The following DMXL1 variants were observed in gnomAD, a reference collection of about 807,000 sequenced individuals.
DMXL1 encodes dmX-like protein 1.
In DMXL1, 99 loss-of-function variants were observed where a neutral mutation model predicts 319.2. The ratio of observed to expected loss-of-function variants is 0.31; its 90% CI spans 0.26 to 0.37. DMXL1 has a LOEUF of 0.37. DMXL1 is among the 10% of genes least tolerant of loss of function. DMXL1 has a pLI of 1.00. For missense variants in DMXL1, 3,745 were observed against 3,595.6 expected, an observed-to-expected ratio of 1.04 and a Z score of -1.06; for synonymous variants, 1,385 against 1,235.2, an observed-to-expected ratio of 1.12 and a Z score of -2.54.
Position 119,133,942 on chromosome 5 carries a change from T to C in DMXL1, c.2018T>C (p.Phe673Ser). Residue 673 changes from phenylalanine to serine, a missense_variant, in exon 12 of 44, where the codon TTT becomes TCT. By Grantham distance (155) the Phe-to-Ser change is radical (BLOSUM62 -2). This residue lies in a region of DMXL1 where 2,096 missense variants were observed against 1,985.4 expected (regional missense o/e 1.06). Coordinates refer to ENST00000539542, the MANE Select transcript of DMXL1 (RefSeq NM_001290321.3). ...GATGTTGATAACCCAGAGCAACCTT[T>C]TGATGCTCTAAATATTGAAGAATGC... The part of the protein sequence containing the change: ...TPDVDNPEQP[F>S]DALNIEECSL... The C allele has an allele frequency of 6.2e-7, 1 of 1,614,164 alleles. No individual in the cohort carries two copies. The highest frequency in any genetic ancestry group is 8.5e-7 in the Non-Finnish European group (1 of 1,179,996).
At chr5:119,084,459 G>C (rs1353731608) in intron 1 of DMXL1, among the ~76,000 whole-genome samples, 1 of 152,064 alleles carries the variant, frequency 6.6e-6, no homozygotes, top group Non-Finnish European at 1.5e-5. Flanking sequence ...AATTGTTTTG[G>C]CTATTTGGGG....
intron 1 of DMXL1, among the ~76,000 whole-genome samples, chr5:119,078,005 G>A (rs1479334562): frequency 1.3e-5 from 2 of 151,804 alleles, no homozygotes; most frequent in Non-Finnish European, 2.9e-5. Flanking sequence ...AAAGTGCTGG[G>A]ATTACAGGTG....
intron 26 of DMXL1, among the ~76,000 whole-genome samples, chr5:119,176,242 G>A (rs1010657160): frequency 6.6e-6 from 1 of 152,004 alleles, no homozygotes; most frequent in Non-Finnish European, 1.5e-5. Flanking sequence ...TGAGTATGGA[G>A]TACTTTACTG....
chr5:119,225,628 C>A (rs1441964418), intron 38 of DMXL1, among the ~76,000 whole-genome samples: 1 of 152,018 alleles, frequency 6.6e-6, no homozygotes, highest in Non-Finnish European at 1.5e-5. Flanking sequence ...AATCAGTATT[C>A]TTTTCTGCTT....
chr5:119,207,868 A>C (rs1782035368), intron 34 of DMXL1, among the ~76,000 whole-genome samples: 1 of 152,146 alleles, frequency 6.6e-6, no homozygotes, highest in Admixed American at 6.5e-5. Flanking sequence ...CATGTTTTTC[A>C]TATTCTATAT....
intron 37 of DMXL1, among the ~76,000 whole-genome samples, chr5:119,223,729 T>C (rs1785045779): frequency 6.6e-6 from 1 of 152,156 alleles, no homozygotes; most frequent in Admixed American, 6.5e-5. Flanking sequence ...TCAGAAACTT[T>C]TTTAAACCTG....
chr5:119,102,142 G>A (rs892436108), intron 3 of DMXL1, 136 bp downstream of exon 3: 1 of 473,318 alleles, frequency 2.1e-6, no homozygotes, highest in African/African-American at 2.0e-5. Context: ...ATTCCATTTT[G>A]ATGTTAAAAA....
intron 17 of DMXL1, among the ~76,000 whole-genome samples, chr5:119,148,110 A>T (rs1205333778): frequency 2.0e-5 from 3 of 152,218 alleles, no homozygotes; most frequent in African/African-American, 7.2e-5. Context: ...CTAATAGTGC[A>T]TGATTACTTT....
chr5:119,163,625 G>T (rs562552568), intron 19 of DMXL1, among the ~76,000 whole-genome samples: 1 of 152,266 alleles, frequency 6.6e-6, no homozygotes, highest in South Asian at 2.1e-4. Flanking sequence ...GTCTCACTCT[G>T]TTGCCCAGGC....
At chr5:119,175,186 A>G (rs1044640343) in intron 25 of DMXL1, 75 bp from the exon 26 acceptor site, 115 of 1,110,342 alleles carry the variant, frequency 1.0e-4, no homozygotes, top group African/African-American at 1.3e-4. Flanking sequence ...AAAAATGCTG[A>G]TTATATTAGG....
At chr5:119,157,650 C>T (rs1359579036) in intron 19 of DMXL1, among the ~76,000 whole-genome samples, 8 of 152,022 alleles carry the variant, frequency 5.3e-5, no homozygotes, top group East Asian at 1.9e-4. Flanking sequence ...GGTTGATTTC[C>T]GTGCCTTCTA....
At chr5:119,123,374 GGAGA>G (rs1762704555) in intron 9 of DMXL1, among the ~76,000 whole-genome samples, 2 of 99,854 alleles carry the variant, frequency 2.0e-5, no homozygotes, top group African/African-American at 3.8e-5. Context: ...GGAGGGAGAG[GGAGA>G]GGGAGAGGAG....
rs553059625 is a variant in DMXL1, at chr5:119,215,131, C to A, written c.7927-1770C>A. On this transcript the variant is annotated intron_variant, in intron 34 of 43. Coordinates refer to ENST00000539542, the MANE Select transcript of DMXL1 (RefSeq NM_001290321.3). Reference sequence around the variant, plus strand: ...GAAGACAAGTTGATCCTCAAGTCAGCCAGAATGTTCAGCGAATACTGAAAT... The same window carrying A: ...GAAGACAAGTTGATCCTCAAGTCAGACAGAATGTTCAGCGAATACTGAAAT... Among the ~76,000 whole-genome samples, 73 of 152,232 alleles carry A rather than the reference C, an allele frequency of 4.8e-4. 2 individuals carry two copies. In the South Asian group the frequency reaches 0.013, roughly 26 times the overall value.
chr5:119,208,689 T>TA (rs985666756), intron 34 of DMXL1, among the ~76,000 whole-genome samples: 92 of 150,562 alleles, frequency 6.1e-4, no homozygotes, highest in Admixed American at 9.3e-4. Context: ...CTATATAGTT[T>TA]AAAAAAAAAA....
intron 9 of DMXL1, among the ~76,000 whole-genome samples, chr5:119,123,415 GGAGGGA>G (rs1478916830): frequency 3.2e-5 from 4 of 124,666 alleles, no homozygotes; most frequent in African/African-American, 6.1e-5. Flanking sequence ...GAGAGGGAGA[GGAGGGA>G]GAGGGAGAGG....
intron 35 of DMXL1, among the ~76,000 whole-genome samples, chr5:119,217,632 C>T (rs144608068): frequency 4.6e-5 from 7 of 152,068 alleles, no homozygotes; most frequent in African/African-American, 1.7e-4. Context: ...TGTGTATCTT[C>T]TTTTTATGTA....
At chr5:119,106,622 A>G (rs1156660863) in intron 4 of DMXL1, among the ~76,000 whole-genome samples, 1 of 152,214 alleles carries the variant, frequency 6.6e-6, no homozygotes, top group Non-Finnish European at 1.5e-5. Context: ...TAGGTTTTCA[A>G]AAGAGGCTAG....
At chr5:119,178,412 T>C (rs1376725613) in intron 28 of DMXL1, among the ~76,000 whole-genome samples, 168 bp downstream of exon 28, 1 of 152,204 alleles carries the variant, frequency 6.6e-6, no homozygotes, top group Admixed American at 6.6e-5. Flanking sequence ...AAGTTTCTGG[T>C]GCAGTTTTTA....
intron 29 of DMXL1, among the ~76,000 whole-genome samples, chr5:119,193,413 C>T (rs1000569345): frequency 6.6e-5 from 10 of 152,152 alleles, no homozygotes; most frequent in African/African-American, 1.9e-4. Context: ...ATTTAGTTCT[C>T]GTACTTTTCA....
Sources: allele counts gnomAD v4.1 joint callset (sites outside exome capture counted in the v4.1 genomes callset), GRCh38; gene constraint gnomAD v4.1.1; regional missense constraint gnomAD v4.1.1; transcripts MANE v1.5; gene names NCBI Gene and HGNC (gene_info 2026-07-23, HGNC 2026-07-21).